Variants in MYH14 observed in about 807,000 individuals in gnomAD.
The protein encoded by MYH14 is myosin heavy chain 14.
MYH14 carries 123 observed loss-of-function variants against 255.5 expected under a neutral mutation model. The ratio of observed to expected loss-of-function variants is 0.48; its 90% CI spans 0.42 to 0.56. MYH14 has a LOEUF of 0.56. Among genes scored for constraint, MYH14 ranks in the 20% least tolerant of loss-of-function variants. MYH14 has a pLI of 0.00. For synonymous variants in MYH14, 1,095 were observed against 1,161.2 expected, an observed-to-expected ratio of 0.94 and a Z score of 1.16; for missense variants, 2,423 against 2,802.3, an observed-to-expected ratio of 0.86 and a Z score of 3.06.
Position 50,210,470 on chromosome 19 carries a change from C to T in MYH14, c.105C>T (p.Ser35=). The change falls in exon 2 of 43, where the codon AGC becomes AGT. Residue 35 remains serine (S), a synonymous_variant. Coordinates refer to ENST00000642316, the MANE Select transcript of MYH14 (RefSeq NM_001145809.2). Reference sequence around the variant, plus strand: ...TCCTGTTCACGCCCCGCGGGCCCAGCGCGGGTGGCGGGCCTGGCTCGGGCA... The same window carrying T: ...TCCTGTTCACGCCCCGCGGGCCCAGTGCGGGTGGCGGGCCTGGCTCGGGCA... ...QPFLFTPRGP[S]AGGGPGSGTS... The T allele has an allele frequency of 6.5e-7, 1 of 1,548,468 alleles. No individual in the cohort carries two copies. Among genetic ancestry groups the T allele is most frequent in the Non-Finnish European group, 8.7e-7 (1 of 1,147,484 alleles).
chr19:50,303,712 G>C (rs1174849482), intron 40 of MYH14, among the ~76,000 whole-genome samples: 1 of 152,072 alleles, frequency 6.6e-6, no homozygotes, highest in Non-Finnish European at 1.5e-5. Flanking sequence ...TAGGGCTCTG[G>C]ATCAACATCT....
intron 1 of MYH14, among the ~76,000 whole-genome samples, chr19:50,207,292 A>AGAGAGAGAGAGAGAGAGG (rs1568458476): frequency 4.7e-5 from 7 of 149,420 alleles, no homozygotes; most frequent in Admixed American, 1.3e-4. Context: ...AGAGAGAGAG[A>AGAGAGAGAGAGAGAGAGG]GAGAGAGAGA....
chr19:50,249,029 C>T lies in MYH14; in HGVS notation c.1372C>T (p.Arg458Cys), dbSNP rs376322446. 1 of 1,613,530 alleles carries T rather than the reference C, an allele frequency of 6.2e-7. No individual in the cohort carries two copies. Among genetic ancestry groups the T allele is most frequent in the South Asian group, 1.1e-5 (1 of 90,968 alleles). The change falls in exon 13 of 43, where the codon CGC (arginine) becomes TGC (cysteine). Residue 458 changes from arginine to cysteine, a missense_variant. Arg to Cys is a radical substitution (Grantham distance 180). Around this residue, in one of 3 missense-constraint regions of MYH14, gnomAD observed 672 missense variants for 881.8 expected, o/e 0.76. Transcript: ENST00000642316. ...LEALAKATYE[R>C]LFRWLVLRLN... The stretch of plus-strand genomic sequence containing the variant: ...GGCCCTGGCCAAGGCCACCTACGAG[C>T]GCCTCTTCCGCTGGCTGGTTCTGCG...
chr19:50,281,517 G>T, intron 32 of MYH14, 77 bp from the exon 33 acceptor site: 2 of 1,508,708 alleles, frequency 1.3e-6, no homozygotes, highest in Admixed American at 2.3e-5. Context: ...CTTCATCCTG[G>T]AAATGGAGCA....
chr19:50,260,744 T>C, intron 20 of MYH14, 29 bp downstream of exon 20: 2 of 1,469,144 alleles, frequency 1.4e-6, no homozygotes, highest in Admixed American at 2.0e-5. Context: ...GGAATGCGTG[T>C]GTGCGTGTGT....
At chr19:50,291,544 T>A (rs2036077838) in intron 36 of MYH14, among the ~76,000 whole-genome samples, 1 of 152,160 alleles carries the variant, frequency 6.6e-6, no homozygotes, top group African/African-American at 2.4e-5. Context: ...CCCGCCCCCA[T>A]GGTTTTGTTT....
intron 11 of MYH14, 78 bp downstream of exon 11, chr19:50,244,415 A>G: frequency 9.4e-7 from 1 of 1,066,202 alleles, no homozygotes; most frequent in South Asian, 1.3e-5. Flanking sequence ...CCCCTGTCCC[A>G]CGTAGAGAGC....
At chr19:50,225,218 C>G (rs762755796) in intron 6 of MYH14, among the ~76,000 whole-genome samples, 25 of 152,174 alleles carry the variant, frequency 1.6e-4, no homozygotes, top group Non-Finnish European at 3.2e-4. Context: ...CCTTGCAGAC[C>G]TTTCTCCATA....
Position 50,293,666 on chromosome 19 carries a change from C to A in MYH14, c.5448C>A (p.Arg1816=). Residue 1816 remains arginine (R), a synonymous_variant, in exon 39 of 43, where the codon CGC becomes CGA. Transcript: ENST00000642316. This position sits in a 1 kb window ranked among gnomAD's most constrained non-coding sequence, Gnocchi z 4.1. ...GCAACTCGGAGCTGCTCAATGACCGCTACCGCAAGCTGCTCCTGCAGGTGA... is the reference window on the plus strand; with the variant it reads ...GCAACTCGGAGCTGCTCAATGACCGATACCGCAAGCTGCTCCTGCAGGTGA... ...EQSNSELLND[R]YRKLLLQVES... The A allele has an allele frequency of 6.3e-7, 1 of 1,588,980 alleles. No homozygotes were observed. Among genetic ancestry groups the A allele is most frequent in the Non-Finnish European group, 8.6e-7 (1 of 1,166,370 alleles).
At chr19:50,209,220 A>G (rs888412117) in intron 1 of MYH14, among the ~76,000 whole-genome samples, 1 of 152,200 alleles carries the variant, frequency 6.6e-6, no homozygotes, top group Non-Finnish European at 1.5e-5. Flanking sequence ...CCTCAGTGAC[A>G]CATGCCACAT....
At position 50,258,741 on chromosome 19, in the gene MYH14, A is replaced by AAC. The variant is rs2034697005; in HGVS notation, c.2233-402_2233-401insCA. The AAC allele has an allele frequency of 6.2e-5, 9 of 145,626 alleles. 1 individual carries two copies. The highest frequency in any genetic ancestry group is 6.8e-5 in the Admixed American group (1 of 14,696). 9.0% of individuals were successfully genotyped at this position (145,626 alleles called of 1,614,324 possible). On this transcript the variant is annotated intron_variant, in intron 18 of 42. Transcript: ENST00000642316. Reference sequence around the variant, plus strand: ...TGTCTCAAAAAAAAAAAAAAAAAAAAAAACGAACAAACAAACAAACAAAAA... The same window carrying AAC: ...TGTCTCAAAAAAAAAAAAAAAAAAAAACAAACGAACAAACAAACAAACAAAAA...
At chr19:50,269,407 C>G (rs571848541) in intron 24 of MYH14, among the ~76,000 whole-genome samples, 1 of 152,286 alleles carries the variant, frequency 6.6e-6, no homozygotes, top group East Asian at 1.9e-4. Context: ...GTCTCGAACT[C>G]CTGACCTCAG....
At chr19:50,278,529 CA>C (rs1568531835) in intron 30 of MYH14, among the ~76,000 whole-genome samples, 1 of 151,358 alleles carries the variant, frequency 6.6e-6, no homozygotes, top group Non-Finnish European at 1.5e-5. Flanking sequence ...AGTGAGACCC[CA>C]TCTTCAGAAA....
intron 12 of MYH14, among the ~76,000 whole-genome samples, chr19:50,248,557 G>A (rs572565872): frequency 1.3e-5 from 2 of 152,178 alleles, no homozygotes; most frequent in Non-Finnish European, 2.9e-5. Context: ...ACACTGACCC[G>A]GGTTCAATCT....
chr19:50,235,047 T>TA (rs894715760), intron 10 of MYH14, among the ~76,000 whole-genome samples: 20 of 151,936 alleles, frequency 1.3e-4, no homozygotes, highest in South Asian at 4.2e-4. Context: ...ACTGTGGTGA[T>TA]AAAAAAAATG....
intron 3 of MYH14, among the ~76,000 whole-genome samples, chr19:50,219,810 A>G (rs182714897): frequency 6.6e-6 from 1 of 152,286 alleles, no homozygotes; most frequent in African/African-American, 2.4e-5. Flanking sequence ...TAATGCCCTT[A>G]TTATATATTT....
intron 10 of MYH14, among the ~76,000 whole-genome samples, chr19:50,234,389 A>G (rs2892340): frequency 0.96 from 146,824 of 152,300 alleles, 70,824 homozygotes; most frequent in African/African-American, 0.99. Flanking sequence ...GGGCTGAGCC[A>G]GGGCCGCCTC....
In MYH14 at chr19:50,238,122, C is replaced by T. The variant is rs772583829; in HGVS notation, c.1114+6052C>T. Among the ~76,000 whole-genome samples the T allele has an allele frequency of 7.5e-4, 114 of 152,304 alleles. 1 individual carries two copies. Among genetic ancestry groups the T allele is most frequent in the Admixed American group, 7.1e-3 (109 of 15,302 alleles). ...ACCCCTTGGCACCATAAATGCCATGCTGAGAGGTTGAGCAGGTAGCCTGGG... is the reference window on the plus strand; with the variant it reads ...ACCCCTTGGCACCATAAATGCCATGTTGAGAGGTTGAGCAGGTAGCCTGGG... On this transcript the variant is annotated intron_variant, in intron 10 of 42. Coordinates refer to ENST00000642316, the MANE Select transcript of MYH14 (RefSeq NM_001145809.2).
intron 11 of MYH14, among the ~76,000 whole-genome samples, chr19:50,246,021 C>T (rs1431039651): frequency 6.9e-6 from 1 of 144,588 alleles, no homozygotes; most frequent in Non-Finnish European, 1.5e-5. Context: ...TCCCTCGCTC[C>T]CTCCCTCCCT....
Sources: allele counts gnomAD v4.1 joint callset (sites outside exome capture counted in the v4.1 genomes callset), GRCh38; gene constraint gnomAD v4.1.1; regional missense constraint gnomAD v4.1.1; non-coding constraint Gnocchi (gnomAD v3.1); transcripts MANE v1.5; gene names NCBI Gene and HGNC (gene_info 2026-07-23, HGNC 2026-07-21).